ARHGAP25: variants seen among roughly 807,000 people sequenced by gnomAD.
ARHGAP25 encodes rho GTPase-activating protein 25.
A neutral mutation model predicts 71.0 loss-of-function variants in ARHGAP25; 34 were observed. The observed-to-expected ratio is 0.48, with a 90% CI of 0.36 to 0.64. The LOEUF (loss-of-function observed/expected upper bound fraction) is 0.64, where lower values mean the gene tolerates loss of function less well. Among genes scored for constraint, ARHGAP25 ranks in the 30% least tolerant of loss-of-function variants. The probability of loss-of-function intolerance (pLI) is 0.00; values close to 1 mark genes in which losing one functional copy is unlikely to be tolerated. For synonymous variants in ARHGAP25, 282 were observed against 296.5 expected, an observed-to-expected ratio of 0.95 and a Z score of 0.50; for missense variants, 706 against 805.1, an observed-to-expected ratio of 0.88 and a Z score of 1.49.
chr2:68,762,826 A>G (rs1240919286), intron 1 of ARHGAP25, among the ~76,000 whole-genome samples: 2 of 152,208 alleles, frequency 1.3e-5, no homozygotes, highest in Non-Finnish European at 2.9e-5. Context: ...TCAGACAGAA[A>G]CACTACAGTT....
chr2:68,802,966 CATATATACACAT>C (rs71831129), intron 4 of ARHGAP25, among the ~76,000 whole-genome samples: 46,455 of 150,230 alleles, frequency 0.31, 8,233 homozygotes, highest in East Asian at 0.51. Flanking sequence ...TATACACACA[CATATATACACAT>C]ATATATACAC....
intron 6 of ARHGAP25, among the ~76,000 whole-genome samples, chr2:68,814,003 C>G (rs1681020155): frequency 6.6e-6 from 1 of 152,132 alleles, no homozygotes; most frequent in Admixed American, 6.5e-5. Flanking sequence ...CAACAATGAC[C>G]ACACTGTAGT....
At chr2:68,783,506 A>G (rs923393817) in intron 3 of ARHGAP25, among the ~76,000 whole-genome samples, 4 of 150,978 alleles carry the variant, frequency 2.6e-5, no homozygotes, top group African/African-American at 9.8e-5. Flanking sequence ...TCTGTTGCCC[A>G]AGCTGGAGTG....
intron 4 of ARHGAP25, among the ~76,000 whole-genome samples, chr2:68,789,028 A>G (rs1269178822): frequency 6.6e-6 from 1 of 151,390 alleles, no homozygotes; most frequent in Non-Finnish European, 1.5e-5. Context: ...TTGCTATGGA[A>G]TCTTTTTCTT....
chr2:68,757,388 G>T (rs11897505), intron 1 of ARHGAP25, among the ~76,000 whole-genome samples: 13,699 of 152,126 alleles, frequency 0.09, 714 homozygotes, highest in Non-Finnish European at 0.11. Context: ...CAAAGTCAAA[G>T]AGAATTTTGA....
At chr2:68,719,439 A>G (rs1674699296) in intron 2 of ARHGAP25, among the ~76,000 whole-genome samples, 1 of 151,886 alleles carries the variant, frequency 6.6e-6, no homozygotes, top group Non-Finnish European at 1.5e-5. Context: ...AAAAAAAAAA[A>G]AAAAGAAAAA....
intron 3 of ARHGAP25, among the ~76,000 whole-genome samples, chr2:68,784,454 T>C (rs1389606766): frequency 1.3e-5 from 2 of 152,152 alleles, no homozygotes; most frequent in East Asian, 1.9e-4. Flanking sequence ...CCAGTTTTAG[T>C]TGCACAAACG....
chr2:68,788,090 C>T, intron 4 of ARHGAP25, 134 bp downstream of exon 4: 1 of 698,930 alleles, frequency 1.4e-6, no homozygotes, highest in Non-Finnish European at 2.5e-6. Context: ...ATGCCCATGG[C>T]CAAGTGCTCT....
At chr2:68,737,552 G>A (rs1226262233) in intron 1 of ARHGAP25, among the ~76,000 whole-genome samples, 1 of 152,158 alleles carries the variant, frequency 6.6e-6, no homozygotes, top group Non-Finnish European at 1.5e-5. Context: ...TTTACATATA[G>A]CCAAGTGTTC....
At chr2:68,808,115 C>A (rs945732265) in intron 5 of ARHGAP25, among the ~76,000 whole-genome samples, 34 of 152,068 alleles carry the variant, frequency 2.2e-4, no homozygotes, top group Non-Finnish European at 7.4e-5. Context: ...TTCCTCCCCA[C>A]CTTCTCCAGC....
chr2:68,775,545 A>G (rs1677824826), intron 2 of ARHGAP25, 125 bp downstream of exon 2: 1 of 1,454,452 alleles, frequency 6.9e-7, no homozygotes, highest in East Asian at 2.3e-5. Context: ...TGGAAAGGAA[A>G]TTGCTTTTCC....
intron 2 of ARHGAP25, 179 bp downstream of exon 2, chr2:68,775,599 A>G: frequency 3.0e-6 from 3 of 996,136 alleles, no homozygotes; most frequent in Admixed American, 2.0e-5. Context: ...TGCAAAGATG[A>G]CAGAGTGGTC....
rs13431695 is a variant in ARHGAP25 at position 68,797,040 on chromosome 2, G to A, written c.466+9084G>A. On this transcript the variant is annotated intron_variant, in intron 4 of 10. Coordinates refer to ENST00000409202, the MANE Select transcript of ARHGAP25 (RefSeq NM_001007231.3). ...GGGGGTAGCATGGAGATTTATGCCC[G>A]ACCTCTGTTCCCCAGAAGAGGTATT... Among the ~76,000 whole-genome samples the A allele has an allele frequency of 1.1e-4, 17 of 152,256 alleles. No individual in the cohort carries two copies. The East Asian group carries it at 1.5e-3, about 14-fold the overall frequency.
At chr2:68,744,812 T>C (rs1007356075) in intron 1 of ARHGAP25, among the ~76,000 whole-genome samples, 4 of 152,264 alleles carry the variant, frequency 2.6e-5, no homozygotes, top group Non-Finnish European at 5.9e-5. Context: ...TGGTCTATTT[T>C]CATTATTTCT....
chr2:68,792,428 GT>G (rs1679247273), intron 4 of ARHGAP25, among the ~76,000 whole-genome samples: 1 of 152,136 alleles, frequency 6.6e-6, no homozygotes, highest in African/African-American at 2.4e-5. Flanking sequence ...ATCCTTCTGA[GT>G]TTCTGTTGTC....
upstream of ARHGAP25, among the ~76,000 whole-genome samples, chr2:68,734,211 G>A (rs905874767): frequency 6.6e-6 from 1 of 152,166 alleles, no homozygotes; most frequent in African/African-American, 2.4e-5. Context: ...TACTGATGAG[G>A]ACATTAAGGT....
chr2:68,781,779 G>A (rs1049205580), intron 2 of ARHGAP25, among the ~76,000 whole-genome samples: 1 of 152,116 alleles, frequency 6.6e-6, no homozygotes, highest in Non-Finnish European at 1.5e-5. Flanking sequence ...GGTTAGTGAA[G>A]GTGCGAGCAC....
intron 7 of ARHGAP25, chr2:68,816,822 C>T (rs1052849157): frequency 1.3e-5 from 2 of 153,870 alleles, no homozygotes; most frequent in African/African-American, 4.8e-5. Context: ...CTGGGATCTT[C>T]ATCCCAGACT....
intron 3 of ARHGAP25, among the ~76,000 whole-genome samples, chr2:68,787,132 T>A (rs1678813412): frequency 6.6e-6 from 1 of 152,194 alleles, no homozygotes; most frequent in Non-Finnish European, 1.5e-5. Context: ...TTTCTCTTCG[T>A]CTCCTTCTCC....
Sources: allele counts gnomAD v4.1 joint callset (sites outside exome capture counted in the v4.1 genomes callset), GRCh38; gene constraint gnomAD v4.1.1; transcripts MANE v1.5; gene names NCBI Gene and HGNC (gene_info 2026-07-23, HGNC 2026-07-21).